The following FOXD2 variants were observed in gnomAD, a reference collection of about 807,000 sequenced individuals.
FOXD2 encodes the protein forkhead box protein D2.
A neutral mutation model predicts 6.4 loss-of-function variants in FOXD2; 4 were observed. The observed-to-expected ratio is 0.62, with a 90% CI of 0.31 to 1.42. The LOEUF (loss-of-function observed/expected upper bound fraction) is 1.42, where lower values mean the gene tolerates loss of function less well. Among genes scored for constraint, FOXD2 ranks in the 40% most tolerant of loss-of-function variants. FOXD2 has a pLI of 0.08. For synonymous variants in FOXD2, 393 were observed against 373.6 expected (o/e 1.05, Z -0.60); for missense variants, 709 against 766.8 (o/e 0.92, Z 0.89).
At position 47,439,233 on chromosome 1, in the gene FOXD2, C is replaced by T. The variant is rs1378914367; in HGVS notation, c.1098C>T (p.Phe366=). 1.3e-6 allele frequency: 2 copies of T among 1,496,880 alleles called. No homozygotes were observed. Among genetic ancestry groups the T allele is most frequent in the South Asian group, 1.3e-5 (1 of 79,226 alleles). The allele number at this position is 1,496,880 out of a possible 1,614,324, so 92.7% of individuals were successfully genotyped here. A position where few individuals can be genotyped will look rare whatever the true frequency, so the allele number is the denominator to read the frequency against. The change falls in exon 1 of 1, where the codon TTC becomes TTT. Residue 366 remains phenylalanine, a synonymous_variant. Coordinates refer to ENST00000334793, the MANE Select transcript of FOXD2 (RefSeq NM_004474.4). The part of the protein sequence containing the change: ...LGAELGCAKA[F]YAASLSPPAA... ...CGGAGCTGGGCTGCGCCAAAGCCTT[C>T]TACGCGGCGTCCCTGAGTCCTCCCG... is the stretch of plus-strand genomic sequence containing the variant.
At position 47,439,974 on chromosome 1, in the gene FOXD2, G is replaced by A; in HGVS notation, c.*351G>A. 3.6e-6 allele frequency: 1 copy of A among 276,018 alleles called. No homozygotes were observed. Among genetic ancestry groups the A allele is most frequent in the Non-Finnish European group, 7.2e-6 (1 of 138,600 alleles). 17.1% of individuals were successfully genotyped at this position (276,018 alleles called of 1,614,324 possible). A position where few individuals can be genotyped will look rare whatever the true frequency, so the allele number is the denominator to read the frequency against. ...TGCCTGGCCAGGCTCCACGGATCCC[G>A]CCAGAAACACCAACAGAGGGTCTCC... On this transcript the variant is annotated 3_prime_UTR_variant, in exon 1 of 1. Coordinates refer to ENST00000334793, the MANE Select transcript of FOXD2 (RefSeq NM_004474.4).
Position 47,439,085 on chromosome 1 carries a change from C to A in FOXD2, c.950C>A (p.Ala317Glu). 1 of 1,448,910 alleles carries A rather than the reference C, an allele frequency of 6.9e-7. No homozygotes were observed. The highest frequency in any genetic ancestry group is 2.6e-5 in the Admixed American group (1 of 39,082). 89.8% of individuals were successfully genotyped at this position (1,448,910 alleles called of 1,614,324 possible). A position where few individuals can be genotyped will look rare whatever the true frequency, so the allele number is the denominator to read the frequency against. Reference protein sequence around the residue: ...QLSVPPGRAAAPPPGPPTASV... With the variant: ...QLSVPPGRAAEPPPGPPTASV... ...TCGGTACCCCCAGGCCGCGCCGCCG[C>A]GCCTCCACCCGGACCTCCGACGGCC... is the stretch of plus-strand genomic sequence containing the variant. Residue 317 changes from alanine (A) to glutamate (E), a missense_variant, in exon 1 of 1, where the codon GCG becomes GAG. By Grantham distance (107) the Ala-to-Glu change is moderately radical. Coordinates refer to ENST00000334793, the MANE Select transcript of FOXD2 (RefSeq NM_004474.4).
Position 47,438,588 on chromosome 1 carries a change from C to T in FOXD2, c.453C>T (p.Ser151=). The T allele has an allele frequency of 6.2e-7, 1 of 1,613,894 alleles. No individual in the cohort carries two copies. Among genetic ancestry groups the T allele is most frequent in the South Asian group, 1.1e-5 (1 of 91,088 alleles). The change falls in exon 1 of 1, where the codon AGC becomes AGT. Residue 151 remains serine (S), a synonymous_variant. Coordinates refer to ENST00000334793, the MANE Select transcript of FOXD2 (RefSeq NM_004474.4). ...GCCCCAAGAAGCGGCTGACGTTGAG[C>T]GAGATCTGCGAGTTCATCAGCGGCC... The part of the protein sequence containing the change: ...LQSPKKRLTL[S]EICEFISGRF...
chr1:47,438,398 G>C lies in FOXD2; in HGVS notation c.263G>C (p.Arg88Pro), dbSNP rs1646986431. 27 of 1,206,488 alleles carry C rather than the reference G, an allele frequency of 2.2e-5. No homozygotes were observed. Among genetic ancestry groups the C allele is most frequent in the Non-Finnish European group, 2.8e-5 (27 of 972,292 alleles). 74.7% of individuals were successfully genotyped at this position (1,206,488 alleles called of 1,614,324 possible). The change falls in exon 1 of 1, where the codon CGG becomes CCG. Residue 88 changes from arginine (R) to proline (P), a missense_variant. Coordinates refer to ENST00000334793, the MANE Select transcript of FOXD2 (RefSeq NM_004474.4). ...SDGEPRALASRGAAAAAGSPG... is the reference protein window; with the variant it reads ...SDGEPRALASPGAAAAAGSPG... ...GGCGAGCCCCGCGCTCTGGCGTCCC[G>C]GGGGGCGGCGGCCGCAGCGGGGAGC... is the stretch of plus-strand genomic sequence containing the variant.
In FOXD2 at chr1:47,438,640, C is replaced by T; in HGVS notation, c.505C>T (p.Pro169Ser). The T allele has an allele frequency of 6.2e-7, 1 of 1,613,990 alleles. No homozygotes were observed. The highest frequency in any genetic ancestry group is 8.5e-7 in the Non-Finnish European group (1 of 1,179,978). The change falls in exon 1 of 1, where the codon CCC (proline) becomes TCC (serine). Residue 169 changes from proline to serine, a missense_variant. Coordinates refer to ENST00000334793, the MANE Select transcript of FOXD2 (RefSeq NM_004474.4). ...GRFPYYREKF[P>S]AWQNSIRHNL... is the part of the protein sequence containing the mutation. The stretch of plus-strand genomic sequence containing the variant: ...CTTCCCCTACTACCGGGAGAAGTTC[C>T]CCGCCTGGCAGAACAGCATCCGCCA...
Position 47,438,967 on chromosome 1 carries a change from G to C in FOXD2, c.832G>C (p.Gly278Arg). 6.8e-7 allele frequency: 1 copy of C among 1,473,796 alleles called. No homozygotes were observed. Among genetic ancestry groups the C allele is most frequent in the Non-Finnish European group, 9.0e-7 (1 of 1,116,492 alleles). 91.3% of individuals were successfully genotyped at this position (1,473,796 alleles called of 1,614,324 possible). The stretch of plus-strand genomic sequence containing the variant: ...CTACGGGCTGGCTCTCCCGGCCTAC[G>C]GCGCACCCCCGCCGGGGCCGGCCCC... ...YGYGLALPAY[G>R]APPPGPAPHP... Residue 278 changes from glycine (G) to arginine (R), a missense_variant, in exon 1 of 1, where the codon GGC becomes CGC. This residue lies in a region of FOXD2 where 98 missense variants were observed against 91.0 expected (regional missense o/e 1.08). Transcript: ENST00000334793.
In FOXD2 at chr1:47,438,953, C is replaced by A. The variant is rs1195274216; in HGVS notation, c.818C>A (p.Ala273Asp). ...YGAYGYGYGL[A>D]LPAYGAPPPG... Reference sequence around the variant, plus strand: ...GCCTACGGCTACGGCTACGGGCTGGCTCTCCCGGCCTACGGCGCACCCCCG... The same window carrying A: ...GCCTACGGCTACGGCTACGGGCTGGATCTCCCGGCCTACGGCGCACCCCCG... The change falls in exon 1 of 1, where the codon GCT (alanine) becomes GAT (aspartate). Residue 273 changes from alanine (A) to aspartate (D), a missense_variant. By Grantham distance (126) the Ala-to-Asp change is moderately radical (BLOSUM62 -2). Around this residue, in one of 5 missense-constraint regions of FOXD2, gnomAD observed 98 missense variants for 91.0 expected, o/e 1.08. Transcript: ENST00000334793. The A allele has an allele frequency of 4.0e-6, 6 of 1,508,208 alleles. No homozygotes were observed. In the South Asian group the frequency reaches 7.5e-5, roughly 19 times the overall value. 93.4% of individuals were successfully genotyped at this position (1,508,208 alleles called of 1,614,324 possible). A position where few individuals can be genotyped will look rare whatever the true frequency, so the allele number is the denominator to read the frequency against.
Position 47,438,807 on chromosome 1 carries a change from G to A in FOXD2, c.672G>A (p.Lys224=), listed in dbSNP as rs778219617. 1.2e-6 allele frequency: 2 copies of A among 1,611,940 alleles called. No individual in the cohort carries two copies. Among genetic ancestry groups the A allele is most frequent in the Non-Finnish European group, 1.7e-6 (2 of 1,179,660 alleles). ...TCCTGCGGCGTCGCAAGCGCTTCAA[G>A]CGGCAGCCCCTGCCGCCGCCGCACC... is the stretch of plus-strand genomic sequence containing the variant. ...GSFLRRRKRF[K]RQPLPPPHPH... Residue 224 remains lysine (K), a synonymous_variant, in exon 1 of 1, where the codon AAG becomes AAA. Coordinates refer to ENST00000334793, the MANE Select transcript of FOXD2 (RefSeq NM_004474.4).
Position 47,438,106 on chromosome 1 carries a change from G to A in FOXD2, c.-30G>A, listed in dbSNP as rs566956123. On this transcript the variant is annotated 5_prime_UTR_variant, in exon 1 of 1. Transcript: ENST00000334793. The stretch of plus-strand genomic sequence containing the variant: ...CCGAGCCGCTGCCGGAGCGGAGCCG[G>A]AGAGTGGCGGCGGCGGCGGCAGCGG... The A allele has an allele frequency of 2.2e-5, 30 of 1,387,518 alleles. No homozygotes were observed. In the African/African-American group the frequency reaches 3.9e-4, roughly 18 times the overall value. 86.0% of individuals were successfully genotyped at this position (1,387,518 alleles called of 1,614,324 possible).
In FOXD2 at chr1:47,438,114, C is replaced by T; in HGVS notation, c.-22C>T. 2.2e-6 allele frequency: 3 copies of T among 1,374,422 alleles called. No individual in the cohort carries two copies. Among genetic ancestry groups the T allele is most frequent in the Non-Finnish European group, 2.8e-6 (3 of 1,066,268 alleles). 85.1% of individuals were successfully genotyped at this position (1,374,422 alleles called of 1,614,324 possible). A position where few individuals can be genotyped will look rare whatever the true frequency, so the allele number is the denominator to read the frequency against. ...CTGCCGGAGCGGAGCCGGAGAGTGG[C>T]GGCGGCGGCGGCAGCGGCACCATGA... is the stretch of plus-strand genomic sequence containing the variant. On this transcript the variant is annotated 5_prime_UTR_variant, in exon 1 of 1. Transcript: ENST00000334793.
At position 47,439,989 on chromosome 1, in the gene FOXD2, A is replaced by G. The variant is rs1001482835; in HGVS notation, c.*366A>G. ...CACGGATCCCGCCAGAAACACCAAC[A>G]GAGGGTCTCCCTTTCTGCCTTTCCC... is the stretch of plus-strand genomic sequence containing the variant. On this transcript the variant is annotated 3_prime_UTR_variant, in exon 1 of 1. Coordinates refer to ENST00000334793, the MANE Select transcript of FOXD2 (RefSeq NM_004474.4). 8.1e-6 allele frequency: 2 copies of G among 245,462 alleles called. No homozygotes were observed. Among genetic ancestry groups the G allele is most frequent in the Admixed American group, 6.0e-5 (1 of 16,658 alleles). The allele number at this position is 245,462 out of a possible 1,614,324, so 15.2% of individuals were successfully genotyped here. A position where few individuals can be genotyped will look rare whatever the true frequency, so the allele number is the denominator to read the frequency against.
Position 47,439,445 on chromosome 1 carries a change from C to G in FOXD2, c.1310C>G (p.Pro437Arg), listed in dbSNP as rs767115179. ...PPGAGEGSPG[P>R]PFAAAAGPGG... ...GGCGCCGGCGAGGGCTCTCCGGGAC[C>G]GCCATTCGCGGCAGCCGCGGGTCCT... is the stretch of plus-strand genomic sequence containing the variant. The change falls in exon 1 of 1, where the codon CCG (proline) becomes CGG (arginine). Residue 437 changes from proline (P) to arginine (R), a missense_variant. Physicochemically the swap from Pro to Arg is moderately radical, Grantham distance 103 (BLOSUM62 -2). Transcript: ENST00000334793. 1.3e-6 allele frequency: 2 copies of G among 1,541,882 alleles called. No homozygotes were observed. Among genetic ancestry groups the G allele is most frequent in the Non-Finnish European group, 1.7e-6 (2 of 1,148,772 alleles).
chr1:47,439,254 T>C lies in FOXD2; in HGVS notation c.1119T>C (p.Pro373=), dbSNP rs371688984. The change falls in exon 1 of 1, where the codon CCT becomes CCC. Residue 373 remains proline, a synonymous_variant. Coordinates refer to ENST00000334793, the MANE Select transcript of FOXD2 (RefSeq NM_004474.4). Reference sequence around the variant, plus strand: ...CCTTCTACGCGGCGTCCCTGAGTCCTCCCGCAGCCGGCACCGCGGCGGGTC... The same window carrying C: ...CCTTCTACGCGGCGTCCCTGAGTCCCCCCGCAGCCGGCACCGCGGCGGGTC... ...AKAFYAASLS[P]PAAGTAAGLP... is the part of the protein sequence containing the mutation. 7.0e-4 allele frequency: 1,056 copies of C among 1,504,664 alleles called. 1 individual carries two copies. The highest frequency in any genetic ancestry group is 8.7e-4 in the Non-Finnish European group (996 of 1,138,844). The allele number at this position is 1,504,664 out of a possible 1,614,324, so 93.2% of individuals were successfully genotyped here. A position where few individuals can be genotyped will look rare whatever the true frequency, so the allele number is the denominator to read the frequency against.
Position 47,439,030 on chromosome 1 carries a change from G to C in FOXD2, c.895G>C (p.Ala299Pro). ...HPHPHAFAFAAAAAAAPCQLS... is the reference protein window; with the variant it reads ...HPHPHAFAFAPAAAAAPCQLS... ...GCACCCGCACGCCTTCGCTTTCGCC[G>C]CGGCAGCCGCCGCCGCTCCTTGCCA... The change falls in exon 1 of 1, where the codon GCG becomes CCG. Residue 299 changes from alanine to proline, a missense_variant. Coordinates refer to ENST00000334793, the MANE Select transcript of FOXD2 (RefSeq NM_004474.4). 7.0e-7 allele frequency: 1 copy of C among 1,438,834 alleles called. No homozygotes were observed. Among genetic ancestry groups the C allele is most frequent in the Non-Finnish European group, 9.1e-7 (1 of 1,101,120 alleles). 89.1% of individuals were successfully genotyped at this position (1,438,834 alleles called of 1,614,324 possible).
chr1:47,438,330 A>G lies in FOXD2; in HGVS notation c.195A>G (p.Ala65=). The G allele has an allele frequency of 7.7e-7, 1 of 1,290,700 alleles. No homozygotes were observed. The highest frequency in any genetic ancestry group is 9.8e-7 in the Non-Finnish European group (1 of 1,018,272). The allele number at this position is 1,290,700 out of a possible 1,614,324, so 80.0% of individuals were successfully genotyped here. A position where few individuals can be genotyped will look rare whatever the true frequency, so the allele number is the denominator to read the frequency against. ...GHEPPAEEAE[A]DLAEDEEESG... ...AGCCTCCCGCGGAGGAAGCCGAGGC[A>G]GACTTAGCCGAGGACGAGGAGGAGT... The change falls in exon 1 of 1, where the codon GCA becomes GCG. Residue 65 remains alanine, a synonymous_variant. Coordinates refer to ENST00000334793, the MANE Select transcript of FOXD2 (RefSeq NM_004474.4).
Position 47,438,417 on chromosome 1 carries a change from G to A in FOXD2, c.282G>A (p.Ala94=), listed in dbSNP as rs1646986717. ...ALASRGAAAA[A]GSPGPGAAAA... is the part of the protein sequence containing the mutation. Reference sequence around the variant, plus strand: ...CGTCCCGGGGGGCGGCGGCCGCAGCGGGGAGCCCGGGGCCAGGCGCCGCGG... The same window carrying A: ...CGTCCCGGGGGGCGGCGGCCGCAGCAGGGAGCCCGGGGCCAGGCGCCGCGG... Residue 94 remains alanine (A), a synonymous_variant, in exon 1 of 1, where the codon GCG becomes GCA. Coordinates refer to ENST00000334793, the MANE Select transcript of FOXD2 (RefSeq NM_004474.4). 8.6e-7 allele frequency: 1 copy of A among 1,164,252 alleles called. No homozygotes were observed. Among genetic ancestry groups the A allele is most frequent in the African/African-American group, 1.6e-5 (1 of 61,586 alleles). 72.1% of individuals were successfully genotyped at this position (1,164,252 alleles called of 1,614,324 possible). A position where few individuals can be genotyped will look rare whatever the true frequency, so the allele number is the denominator to read the frequency against.
rs1420377467 is a variant in FOXD2, at chr1:47,438,061, C to T, written c.-75C>T. ...GCCCGCGCGCAAAACGCACTCGCCC[C>T]AGAGGCAGCGCGGCCGAGCCCGAGC... is the stretch of plus-strand genomic sequence containing the variant. On this transcript the variant is annotated 5_prime_UTR_variant, in exon 1 of 1. Transcript: ENST00000334793. 7.8e-6 allele frequency: 10 copies of T among 1,286,432 alleles called. No individual in the cohort carries two copies. The highest frequency in any genetic ancestry group is 3.0e-4 in the Middle Eastern group (1 of 3,338). The allele number at this position is 1,286,432 out of a possible 1,614,324, so 79.7% of individuals were successfully genotyped here.
Position 47,438,228 on chromosome 1 carries a change from C to A in FOXD2, c.93C>A (p.Gly31=). 7.1e-7 allele frequency: 1 copy of A among 1,403,770 alleles called. No homozygotes were observed. Among genetic ancestry groups the A allele is most frequent in the Non-Finnish European group, 9.2e-7 (1 of 1,083,096 alleles). The allele number at this position is 1,403,770 out of a possible 1,614,324, so 87.0% of individuals were successfully genotyped here. A position where few individuals can be genotyped will look rare whatever the true frequency, so the allele number is the denominator to read the frequency against. The change falls in exon 1 of 1, where the codon GGC becomes GGA. Residue 31 remains glycine (G), a synonymous_variant. Transcript: ENST00000334793. ...SEADADIDVV[G]GGSGGGELPA... ...CCGACGCAGACATAGACGTGGTGGGCGGCGGCAGCGGCGGGGGGGAGCTCC... is the reference window on the plus strand; with the variant it reads ...CCGACGCAGACATAGACGTGGTGGGAGGCGGCAGCGGCGGGGGGGAGCTCC...
chr1:47,438,663 C>T lies in FOXD2; in HGVS notation c.528C>T (p.Arg176=), dbSNP rs760483901. 2.8e-5 allele frequency: 45 copies of T among 1,613,930 alleles called. No individual in the cohort carries two copies. Among genetic ancestry groups the T allele is most frequent in the Non-Finnish European group, 3.6e-5 (43 of 1,179,980 alleles). The stretch of plus-strand genomic sequence containing the variant: ...TCCCCGCCTGGCAGAACAGCATCCG[C>T]CACAACCTCTCTCTCAACGACTGCT... ...EKFPAWQNSI[R]HNLSLNDCFV... is the part of the protein sequence containing the mutation. Residue 176 remains arginine, a synonymous_variant, in exon 1 of 1, where the codon CGC becomes CGT. Coordinates refer to ENST00000334793, the MANE Select transcript of FOXD2 (RefSeq NM_004474.4).
Sources: gnomAD v4.1 joint callset for allele counts on GRCh38, gnomAD v4.1.1 for gene constraint, gnomAD v4.1.1 regional missense constraint, MANE v1.5 for transcripts, NCBI Gene and HGNC (gene_info 2026-07-23, HGNC 2026-07-21) for gene names.